FANCB: variants seen among roughly 807,000 people sequenced by gnomAD.
FANCB encodes the protein Fanconi anemia group B protein.
FANCB carries 5 observed loss-of-function variants against 38.9 expected under a neutral mutation model. That is an observed-to-expected ratio of 0.13 (90% CI 0.07 to 0.27). The LOEUF is 0.27. Among genes scored for constraint, FANCB ranks in the 10% least tolerant of loss-of-function variants. The probability of loss-of-function intolerance (pLI) is 1.00; values close to 1 mark genes in which losing one functional copy is unlikely to be tolerated. For missense variants in FANCB, 573 were observed against 602.7 expected (o/e 0.95, Z 0.52); for synonymous variants, 236 against 215.4 (o/e 1.10, Z -0.84).
chrX:14,730,609 G>T, the FANCB span: 2 of 374,932 alleles, frequency 5.3e-6, no homozygotes, highest in Non-Finnish European at 9.2e-6. Flanking sequence ...AGGGTCATGG[G>T]GGTGGGTTTC....
At chrX:14,754,408 T>C in the FANCB span, among the ~76,000 whole-genome samples, 3 of 112,597 alleles carry the variant, frequency 2.7e-5, no homozygotes, top group Non-Finnish European at 5.6e-5. Flanking sequence ...TGCTATATTC[T>C]ACCAAACGTA....
the FANCB span, among the ~76,000 whole-genome samples, chrX:14,716,116 C>T: frequency 1.7e-4 from 19 of 110,899 alleles, no homozygotes; most frequent in African/African-American, 4.3e-4. Flanking sequence ...TGAAAGAAGA[C>T]AATAAAACCC....
chrX:14,708,799 G>A, the FANCB span, among the ~76,000 whole-genome samples: 1 of 111,414 alleles, frequency 9.0e-6, no homozygotes, highest in African/African-American at 3.3e-5. Context: ...AGCCGGGCAC[G>A]GTGGCTCATG....
chrX:14,830,850 A>C, the FANCB span, among the ~76,000 whole-genome samples: 1 of 112,640 alleles, frequency 8.9e-6, no homozygotes, highest in Admixed American at 9.4e-5. Context: ...GAGAAAAATA[A>C]AGACAATGTG....
At chrX:14,742,763 T>G in the FANCB span, among the ~76,000 whole-genome samples, 1 of 112,484 alleles carries the variant, frequency 8.9e-6, no homozygotes, top group Admixed American at 9.4e-5. Context: ...AGAGACAGTC[T>G]GGACAAACTT....
chrX:14,695,727 AT>A, the FANCB span, among the ~76,000 whole-genome samples: 1 of 112,063 alleles, frequency 8.9e-6, no homozygotes, highest in African/African-American at 3.2e-5. Context: ...TCCAATTATG[AT>A]AGGATGTAGG....
At chrX:14,862,402 A>G (rs1165764306) in intron 3 of FANCB, 1 of 111,257 alleles carries the variant, frequency 9.0e-6, no homozygotes, top group Non-Finnish European at 1.9e-5. Context: ...TTGTAGAGAG[A>G]GTGCACTAGA....
At chrX:14,851,233 T>A (rs1316118182) in intron 6 of FANCB, among the ~76,000 whole-genome samples, 1 of 112,145 alleles carries the variant, frequency 8.9e-6, no homozygotes, top group Non-Finnish European at 1.9e-5. Flanking sequence ...CTATTGAGTG[T>A]TTACTTTATG....
chrX:14,868,737 G>T (rs2092481685), intron 2 of FANCB, among the ~76,000 whole-genome samples, 186 bp downstream of exon 2: 1 of 111,920 alleles, frequency 8.9e-6, no homozygotes, highest in African/African-American at 3.2e-5. Context: ...ATAACTAGAT[G>T]TTTTTGAATG....
rs1254076576 is a variant in FANCB, at chrX:14,872,650, A to AC, written c.-192+335dup. On this transcript the variant is annotated intron_variant, in intron 1 of 9. Coordinates refer to ENST00000650831, the MANE Select transcript of FANCB (RefSeq NM_001018113.3). ...TGGTAAAACCGCCCCCCCCACACAC[A>AC]CCCCCCCACCCCCCCGGCTGAACAC... Among the ~76,000 whole-genome samples, 76 of 32,075 alleles carry AC rather than the reference A, an allele frequency of 2.4e-3. 1 individual carries two copies. Among genetic ancestry groups the AC allele is most frequent in the African/African-American group, 5.8e-3 (50 of 8,642 alleles). 27.9% of individuals were successfully genotyped at this position (32,075 alleles called of 115,157 possible). A position where few individuals can be genotyped will look rare whatever the true frequency, so the allele number is the denominator to read the frequency against.
chrX:14,792,184 T>C, the FANCB span, among the ~76,000 whole-genome samples: 1 of 112,230 alleles, frequency 8.9e-6, no homozygotes, highest in African/African-American at 3.2e-5. Flanking sequence ...GGGTCAGGAA[T>C]ATCTTGCTAA....
chrX:14,852,940 T>A, intron 6 of FANCB, 99 bp downstream of exon 6: 1 of 806,268 alleles, frequency 1.2e-6, no homozygotes, highest in Non-Finnish European at 1.8e-6. Flanking sequence ...CTGAGCAGCA[T>A]TTTCTAATAT....
At chrX:14,780,287 G>A in the FANCB span, among the ~76,000 whole-genome samples, 23 of 110,329 alleles carry the variant, frequency 2.1e-4, 1 homozygote, top group African/African-American at 7.1e-4. Flanking sequence ...TGTGTCAAAC[G>A]CTGAATAGGT....
the FANCB span, among the ~76,000 whole-genome samples, chrX:14,740,997 C>T: frequency 9.0e-6 from 1 of 111,382 alleles, no homozygotes; most frequent in East Asian, 2.8e-4. Context: ...CACGAACACA[C>T]GAAGGACAGC....
chrX:14,841,515 T>G (rs368892142), downstream of FANCB, among the ~76,000 whole-genome samples: 1 of 111,921 alleles, frequency 8.9e-6, no homozygotes, highest in African/African-American at 3.2e-5. Flanking sequence ...CTGAGGACAA[T>G]AGGAGAGTCA....
the FANCB span, among the ~76,000 whole-genome samples, chrX:14,770,531 T>C: frequency 2.7e-5 from 3 of 112,091 alleles, no homozygotes; most frequent in African/African-American, 9.7e-5. Flanking sequence ...ATGTGTGTCT[T>C]TGCACGAGAT....
the FANCB span, among the ~76,000 whole-genome samples, chrX:14,748,818 TAA>T: frequency 8.9e-6 from 1 of 112,242 alleles, no homozygotes; most frequent in South Asian, 3.7e-4. Flanking sequence ...TCAGAAGAGC[TAA>T]GTGACTTGCC....
the FANCB span, among the ~76,000 whole-genome samples, chrX:14,800,381 T>G: frequency 9.0e-6 from 1 of 111,243 alleles, no homozygotes; most frequent in Non-Finnish European, 1.9e-5. Flanking sequence ...ATTGGAATGA[T>G]GCATCTACAA....
the FANCB span, among the ~76,000 whole-genome samples, chrX:14,806,384 C>T: frequency 8.9e-6 from 1 of 112,113 alleles, no homozygotes; most frequent in Non-Finnish European, 1.9e-5. Flanking sequence ...CTCTCTATTA[C>T]TCCTAAACCT....
Sources: allele counts gnomAD v4.1 joint callset (sites outside exome capture counted in the v4.1 genomes callset), GRCh38; gene constraint gnomAD v4.1.1; transcripts MANE v1.5; gene names NCBI Gene and HGNC (gene_info 2026-07-23, HGNC 2026-07-21).